The following FBXW10B variants were observed in gnomAD, a reference collection of about 807,000 sequenced individuals.
FBXW10B encodes the protein F-box and WD repeat domain containing protein 10B.
chr17:15,592,031 G>A, the FBXW10B span, among the ~76,000 whole-genome samples: 20 of 152,210 alleles, frequency 1.3e-4, no homozygotes, highest in African/African-American at 2.9e-4. Flanking sequence ...ACAAGCAAGC[G>A]GCTTTCCCCT....
the FBXW10B span, among the ~76,000 whole-genome samples, chr17:15,596,233 T>C: frequency 2.0e-5 from 3 of 152,120 alleles, no homozygotes; most frequent in South Asian, 6.2e-4. Context: ...TCACCTCCAC[T>C]GCTGTTAGAA....
chr17:15,612,871 C>T, the FBXW10B span: 1 of 1,600,406 alleles, frequency 6.2e-7, no homozygotes, highest in Non-Finnish European at 8.5e-7. Context: ...AATGGCTTCT[C>T]TTGGCTCCAA....
the FBXW10B span, among the ~76,000 whole-genome samples, chr17:15,615,153 A>G: frequency 2.6e-5 from 4 of 151,252 alleles, no homozygotes; most frequent in East Asian, 7.8e-4. Flanking sequence ...TCCTCCCCTT[A>G]CCAGCTGTGA....
chr17:15,578,911 A>G, the FBXW10B span, among the ~76,000 whole-genome samples: 1 of 152,086 alleles, frequency 6.6e-6, no homozygotes. Context: ...TTTATAGGCA[A>G]TCTTTCTTCT....
chr17:15,569,462 T>C, the FBXW10B span, among the ~76,000 whole-genome samples: 3 of 130,682 alleles, frequency 2.3e-5, no homozygotes, highest in Non-Finnish European at 3.3e-5. Context: ...TTTCTTTTTT[T>C]TTTTTTTTTT....
At chr17:15,615,571 C>T in the FBXW10B span, 5 of 1,592,228 alleles carry the variant, frequency 3.1e-6, no homozygotes, top group East Asian at 1.1e-4. Flanking sequence ...CCTCGGCCTC[C>T]CAAAGTGCTG....
chr17:15,598,612 C>T, the FBXW10B span: 2 of 1,613,194 alleles, frequency 1.2e-6, no homozygotes, highest in Non-Finnish European at 1.7e-6. Flanking sequence ...CTGGTGACCA[C>T]CGAAGATTCG....
At chr17:15,574,221 A>G in the FBXW10B span, 1 of 691,920 alleles carries the variant, frequency 1.4e-6, no homozygotes, top group African/African-American at 1.8e-5. Flanking sequence ...AGAAAATACC[A>G]ACTCCATGTG....
chr17:15,606,028 T>C, the FBXW10B span, among the ~76,000 whole-genome samples: 1 of 142,548 alleles, frequency 7.0e-6, no homozygotes, highest in Non-Finnish European at 1.5e-5. Flanking sequence ...AATAATGTAT[T>C]GTCCAAACTG....
the FBXW10B span, chr17:15,565,555 A>C: frequency 3.1e-5 from 50 of 1,613,562 alleles, no homozygotes; most frequent in Admixed American, 8.2e-4. Context: ...ATTTTGTCCA[A>C]GTTCAGGGGC....
chr17:15,615,646 A>C, the FBXW10B span: 1 of 1,613,810 alleles, frequency 6.2e-7, no homozygotes, highest in Non-Finnish European at 8.5e-7. Flanking sequence ...TTCACTTACC[A>C]GGGTTAGATG....
At chr17:15,593,645 T>A in the FBXW10B span, 1 of 815,980 alleles carries the variant, frequency 1.2e-6, no homozygotes, top group Non-Finnish European at 1.8e-6. Context: ...TTTTTTTTTT[T>A]GAGATGGAGT....
At chr17:15,604,817 G>A in the FBXW10B span, among the ~76,000 whole-genome samples, 3 of 152,124 alleles carry the variant, frequency 2.0e-5, no homozygotes, top group East Asian at 1.9e-4. Context: ...GATTACAGGC[G>A]TGAGCCACCA....
At chr17:15,614,350 G>A in the FBXW10B span, among the ~76,000 whole-genome samples, 5 of 151,914 alleles carry the variant, frequency 3.3e-5, no homozygotes, top group Admixed American at 6.6e-5. Context: ...CACCACGCCC[G>A]ACTAATTTTT....
the FBXW10B span, among the ~76,000 whole-genome samples, chr17:15,569,329 C>T: frequency 6.6e-6 from 1 of 151,936 alleles, no homozygotes; most frequent in East Asian, 1.9e-4. Flanking sequence ...AATAGCTCTT[C>T]TGACTGGGGT....
the FBXW10B span, chr17:15,574,020 C>T: frequency 1.6e-6 from 1 of 638,280 alleles, no homozygotes; most frequent in African/African-American, 1.8e-5. Flanking sequence ...CTGATTCCTG[C>T]CAGCAGTCGC....
At chr17:15,590,199 T>A in the FBXW10B span, among the ~76,000 whole-genome samples, 1 of 151,798 alleles carries the variant, frequency 6.6e-6, no homozygotes, top group Non-Finnish European at 1.5e-5. Flanking sequence ...TCTCCCCTCC[T>A]GGAGTCATTG....
the FBXW10B span, among the ~76,000 whole-genome samples, chr17:15,617,596 C>T: frequency 1.3e-5 from 2 of 152,128 alleles, no homozygotes; most frequent in African/African-American, 4.8e-5. Flanking sequence ...GGCTTGGTGC[C>T]CTTCCCACAG....
At chr17:15,611,095 C>T in the FBXW10B span, among the ~76,000 whole-genome samples, 1 of 149,524 alleles carries the variant, frequency 6.7e-6, no homozygotes, top group African/African-American at 2.5e-5. Flanking sequence ...GCAATCTCGG[C>T]TCACTGCAAG....
Sources: allele counts gnomAD v4.1 joint callset (sites outside exome capture counted in the v4.1 genomes callset), GRCh38; gene constraint gnomAD v4.1.1; transcripts MANE v1.5; gene names NCBI Gene and HGNC (gene_info 2026-07-23, HGNC 2026-07-21).